Variants in ATP2C1 observed in about 807,000 individuals in gnomAD.
The protein encoded by ATP2C1 is calcium-transporting ATPase type 2C member 1.
Under a neutral mutation model 120.5 loss-of-function variants are expected in ATP2C1, and 31 were observed. That is an observed-to-expected ratio of 0.26 (90% confidence interval 0.19 to 0.35). The LOEUF (loss-of-function observed/expected upper bound fraction) is 0.35. Among genes scored for constraint, ATP2C1 ranks in the 10% least tolerant of loss-of-function variants. The probability of loss-of-function intolerance (pLI) is 1.00; values close to 1 mark genes in which losing one functional copy is unlikely to be tolerated. For missense variants in ATP2C1, 731 were observed against 1,107.5 expected (o/e 0.66, Z 4.83); for synonymous variants, 351 against 358.7 (o/e 0.98, Z 0.24).
chr3:131,011,933 G>A (rs778920221), intron 26 of ATP2C1, among the ~76,000 whole-genome samples: 3 of 152,158 alleles, frequency 2.0e-5, no homozygotes, highest in Non-Finnish European at 4.4e-5. Flanking sequence ...AATACATGTA[G>A]GAGAAGATAT....
intron 20 of ATP2C1, among the ~76,000 whole-genome samples, chr3:130,986,146 T>C (rs2062000580): frequency 6.6e-6 from 1 of 151,526 alleles, no homozygotes; most frequent in Non-Finnish European, 1.5e-5. Context: ...TTTGCTTTGT[T>C]TTTGGGGTGG....
intron 1 of ATP2C1, among the ~76,000 whole-genome samples, chr3:130,852,725 A>G (rs1398185805): frequency 5.9e-5 from 9 of 152,236 alleles, no homozygotes; most frequent in Non-Finnish European, 1.0e-4. Flanking sequence ...TTGGGAAGTT[A>G]TAAAGGAGGT....
rs1473227454 is a variant in ATP2C1 at position 130,959,329 on chromosome 3, C to T, written c.887C>T (p.Thr296Ile). The T allele has an allele frequency of 6.2e-7, 1 of 1,605,568 alleles. No individual in the cohort carries two copies. The highest frequency in any genetic ancestry group is 8.5e-7 in the Non-Finnish European group (1 of 1,173,040). The stretch of plus-strand genomic sequence containing the variant: ...GGAAAAGATATCCTGGAAATGTTTA[C>T]TATTAGTGTAAGGTAAGTCTCAATA... ...LLGKDILEMF[T>I]ISVSLAVAAI... Residue 296 changes from threonine (T) to isoleucine (I), a missense_variant, in exon 12 of 28, where the codon ACT becomes ATT. By Grantham distance (89) the Thr-to-Ile change is moderately conservative. Transcript: ENST00000510168.
intron 8 of ATP2C1, among the ~76,000 whole-genome samples, chr3:130,948,159 G>A (rs557698719): frequency 2.6e-5 from 4 of 152,110 alleles, no homozygotes; most frequent in Non-Finnish European, 5.9e-5. Context: ...AATTCTTTAT[G>A]TCTTCATATG....
Position 130,969,324 on chromosome 3 carries a change from C to G in ATP2C1, c.1341C>G (p.Ile447Met), listed in dbSNP as rs1193284119. The change falls in exon 17 of 28, where the codon ATC becomes ATG. Residue 447 changes from isoleucine to methionine, a missense_variant. Physicochemically the swap from Ile to Met is conservative, Grantham distance 10. Around this residue, in one of 3 missense-constraint regions of ATP2C1, gnomAD observed 571 missense variants for 845.9 expected, o/e 0.67. Transcript: ENST00000510168. ...MGLDGLQQDY[I>M]RKAEYPFSSE... ...TTGATGGACTTCAACAAGACTACATCAGAAAAGCTGAATACCCTTTTAGCT... is the reference window on the plus strand; with the variant it reads ...TTGATGGACTTCAACAAGACTACATGAGAAAAGCTGAATACCCTTTTAGCT... 4 of 1,613,922 alleles carry G rather than the reference C, an allele frequency of 2.5e-6. No homozygotes were observed. Among genetic ancestry groups the G allele is most frequent in the Non-Finnish European group, 3.4e-6 (4 of 1,179,862 alleles).
chr3:130,979,512 T>C, intron 19 of ATP2C1, 93 bp downstream of exon 19: 1 of 1,324,198 alleles, frequency 7.6e-7, no homozygotes, highest in Non-Finnish European at 1.1e-6. Context: ...AATATGTTTA[T>C]GTAATATTGA....
intron 1 of ATP2C1, among the ~76,000 whole-genome samples, chr3:130,865,698 C>T (rs1001911597): frequency 6.6e-6 from 1 of 152,198 alleles, no homozygotes; most frequent in African/African-American, 2.4e-5. Context: ...TTGCTTCTTC[C>T]TCATTTTCTG....
In ATP2C1 at chr3:130,936,383, G is replaced by A. The variant is rs7630732; in HGVS notation, c.325-1045G>A. 7.6e-3 allele frequency among the ~76,000 whole-genome samples: 1,157 copies of A among 152,214 alleles called. 18 individuals are homozygous for A. The highest frequency in any genetic ancestry group is 0.026 in the African/African-American group (1,099 of 41,500). On this transcript the variant is annotated intron_variant, in intron 5 of 27. Transcript: ENST00000510168. Reference sequence around the variant, plus strand: ...AATGCAAGATAGGTCAATGGATTTCGATATAATAGATTATGAAAGGTGCAT... The same window carrying A: ...AATGCAAGATAGGTCAATGGATTTCAATATAATAGATTATGAAAGGTGCAT...
chr3:130,850,852 C>G, exon 1 of ATP2C1: 3 of 1,449,896 alleles, frequency 2.1e-6, no homozygotes, highest in Non-Finnish European at 1.8e-6. Flanking sequence ...TCTAGATTCT[C>G]TTATTTCAAA....
chr3:130,902,353 T>TA, intron 2 of ATP2C1, among the ~76,000 whole-genome samples: 1 of 137,584 alleles, frequency 7.3e-6, no homozygotes, highest in Non-Finnish European at 1.5e-5. Context: ...CTAGGAAACA[T>TA]AGAGTAGCTT....
chr3:131,010,260 G>C (rs561926410), intron 26 of ATP2C1, among the ~76,000 whole-genome samples: 1 of 148,134 alleles, frequency 6.8e-6, no homozygotes, highest in Admixed American at 6.9e-5. Flanking sequence ...GAACGATCTC[G>C]GCTCACTGCA....
chr3:130,945,194 T>C (rs1047340282), intron 8 of ATP2C1, among the ~76,000 whole-genome samples: 1 of 152,054 alleles, frequency 6.6e-6, no homozygotes, highest in Admixed American at 6.6e-5. Flanking sequence ...TTATTTGTTT[T>C]TTTTTCCCCC....
At chr3:130,967,891 T>C (rs2061123899) in intron 16 of ATP2C1, among the ~76,000 whole-genome samples, 1 of 152,236 alleles carries the variant, frequency 6.6e-6, no homozygotes, top group Non-Finnish European at 1.5e-5. Context: ...TATAATTTGT[T>C]TTGGGGAGAA....
chr3:130,908,510 A>G (rs2058247971), intron 2 of ATP2C1, among the ~76,000 whole-genome samples: 1 of 152,038 alleles, frequency 6.6e-6, no homozygotes, highest in Admixed American at 6.5e-5. Context: ...ACACACCTGT[A>G]TAGAAAATGG....
chr3:130,914,789 C>G lies in ATP2C1; in HGVS notation c.7-15627C>G, dbSNP rs541796334. 2.6e-5 allele frequency among the ~76,000 whole-genome samples: 4 copies of G among 152,288 alleles called. No individual in the cohort carries two copies. In the South Asian group the frequency reaches 8.3e-4, roughly 32 times the overall value. On this transcript the variant is annotated intron_variant, in intron 2 of 27. Coordinates refer to ENST00000510168, the MANE Select transcript of ATP2C1 (RefSeq NM_001378687.1). Reference sequence around the variant, plus strand: ...TTGACTAAGATTTTGATTGCCCATCCCTTTCACGTTCTACCTCCCTACCCC... The same window carrying G: ...TTGACTAAGATTTTGATTGCCCATCGCTTTCACGTTCTACCTCCCTACCCC...
At chr3:130,967,514 T>C (rs530853457) in intron 16 of ATP2C1, 95 bp downstream of exon 16, 17 of 1,057,354 alleles carry the variant, frequency 1.6e-5, no homozygotes, top group Admixed American at 5.5e-5. Context: ...TTTTTAGGTA[T>C]TGAGTGAAAA....
At chr3:130,963,841 A>G in intron 12 of ATP2C1, 130 bp from the exon 13 acceptor site, 4 of 1,125,548 alleles carry the variant, frequency 3.6e-6, no homozygotes, top group Non-Finnish European at 5.2e-6. Flanking sequence ...CTTCCTTTTG[A>G]GAAGTTTATT....
At chr3:130,860,547 C>T (rs2067982439) in intron 1 of ATP2C1, among the ~76,000 whole-genome samples, 2 of 152,198 alleles carry the variant, frequency 1.3e-5, no homozygotes, top group Non-Finnish European at 1.5e-5. Context: ...TCATAATAAC[C>T]TTGCAAAGTC....
intron 6 of ATP2C1, among the ~76,000 whole-genome samples, chr3:130,939,226 G>A (rs2059794869): frequency 6.6e-6 from 1 of 152,058 alleles, no homozygotes; most frequent in Non-Finnish European, 1.5e-5. Flanking sequence ...TATCAAAAAT[G>A]TATAAAAAAT....
Sources: allele counts gnomAD v4.1 joint callset (sites outside exome capture counted in the v4.1 genomes callset), GRCh38; gene constraint gnomAD v4.1.1; regional missense constraint gnomAD v4.1.1; transcripts MANE v1.5; gene names NCBI Gene and HGNC (gene_info 2026-07-23, HGNC 2026-07-21).